RUSC2: variants seen among roughly 807,000 people sequenced by gnomAD.
RUSC2 encodes RUN and SH3 domain containing 2.
RUSC2 carries 34 observed loss-of-function variants against 122.2 expected under a neutral mutation model. The ratio of observed to expected loss-of-function variants is 0.28; its 90% CI spans 0.21 to 0.37. RUSC2 has a LOEUF of 0.37. Among genes scored for constraint, RUSC2 ranks in the 10% least tolerant of loss-of-function variants. The pLI, the probability that RUSC2 is intolerant of heterozygous loss-of-function variation, is 1.00. For missense variants in RUSC2, 1,747 were observed against 1,952.4 expected, an observed-to-expected ratio of 0.89 and a Z score of 1.98; for synonymous variants, 784 against 790.0, an observed-to-expected ratio of 0.99 and a Z score of 0.13.
chr9:35,517,353 T>C (rs1331303574), intron 1 of RUSC2, among the ~76,000 whole-genome samples: 1 of 152,206 alleles, frequency 6.6e-6, no homozygotes, highest in Non-Finnish European at 1.5e-5. Context: ...GTGTTAGGTT[T>C]AGAATACAGT....
intron 1 of RUSC2, among the ~76,000 whole-genome samples, chr9:35,505,363 C>G (rs1820894915): frequency 6.6e-6 from 1 of 152,132 alleles, no homozygotes; most frequent in Non-Finnish European, 1.5e-5. Flanking sequence ...TAACTGAGAT[C>G]CCTTCCTTAG....
chr9:35,561,097 G>C lies in RUSC2; in HGVS notation c.4349G>C (p.Cys1450Ser), dbSNP rs1822154043. 1 of 1,613,814 alleles carries C rather than the reference G, an allele frequency of 6.2e-7. No individual in the cohort carries two copies. Among genetic ancestry groups the C allele is most frequent in the Non-Finnish European group, 8.5e-7 (1 of 1,179,902 alleles). ...HSPALPSSPP[C>S]EVQALCHHLA... ...CCAGCCCTGCCCTCCAGTCCTCCGT[G>C]GTAAGCCTGGGGAAACGGAAGGGCT... The change falls in exon 11 of 12, where the codon TGT becomes TCT. Residue 1450 changes from cysteine to serine, a missense_variant and splice_region_variant. Physicochemically the swap from Cys to Ser is moderately radical, Grantham distance 112. Transcript: ENST00000361226.
intron 1 of RUSC2, among the ~76,000 whole-genome samples, chr9:35,497,965 C>T (rs551895595): frequency 6.6e-6 from 1 of 152,232 alleles, no homozygotes; most frequent in South Asian, 2.1e-4. Context: ...ACAACTTTGC[C>T]TATATTCTCA....
chr9:35,531,176 G>A (rs1479098264), intron 1 of RUSC2, among the ~76,000 whole-genome samples: 1 of 152,094 alleles, frequency 6.6e-6, no homozygotes, highest in African/African-American at 2.4e-5. Context: ...CAGGAGAATG[G>A]CATGAACCTG....
intron 1 of RUSC2, among the ~76,000 whole-genome samples, chr9:35,495,206 T>TTATTATATA (rs1564240369): frequency 5.3e-5 from 1 of 19,024 alleles, no homozygotes; most frequent in African/African-American, 1.6e-4. Flanking sequence ...TAATATAATT[T>TTATTATATA]ATTATATATA....
chr9:35,561,775 G>GTAAA lies in RUSC2; in HGVS notation c.*396_*399dup. Reference sequence around the variant, plus strand: ...GGCCAGATCCCTAAGCCCCCCAGCTGTAAATAGGCTGTGGCCAGTGCCTGG... The same window carrying GTAAA: ...GGCCAGATCCCTAAGCCCCCCAGCTGTAAATAAATAGGCTGTGGCCAGTGCCTGG... On this transcript the variant is annotated 3_prime_UTR_variant, in exon 12 of 12. Transcript: ENST00000361226. The GTAAA allele has an allele frequency of 3.6e-6, 2 of 560,410 alleles. No individual in the cohort carries two copies. Among genetic ancestry groups the GTAAA allele is most frequent in the East Asian group, 3.0e-5 (1 of 33,486 alleles). 34.7% of individuals were successfully genotyped at this position (560,410 alleles called of 1,614,324 possible).
chr9:35,546,371 C>A lies in RUSC2; in HGVS notation c.-92-59C>A. 2.2e-6 allele frequency: 1 copy of A among 454,910 alleles called. No homozygotes were observed. The highest frequency in any genetic ancestry group is 3.6e-6 in the Non-Finnish European group (1 of 274,090). The allele number at this position is 454,910 out of a possible 1,614,324, so 28.2% of individuals were successfully genotyped here. A position where few individuals can be genotyped will look rare whatever the true frequency, so the allele number is the denominator to read the frequency against. ...CATCTGAAAATGATGTAGGGAAGGGCATGCCCCTGACTTCCAGGGAGGTGA... is the reference window on the plus strand; with the variant it reads ...CATCTGAAAATGATGTAGGGAAGGGAATGCCCCTGACTTCCAGGGAGGTGA... On this transcript the variant is annotated intron_variant, in intron 1 of 11. Coordinates refer to ENST00000361226, the MANE Select transcript of RUSC2 (RefSeq NM_014806.5). The surrounding 1 kb of genome is among the most constrained non-coding windows in gnomAD (Gnocchi z 4.3).
chr9:35,510,383 A>G (rs1820991844), intron 1 of RUSC2, among the ~76,000 whole-genome samples: 1 of 152,214 alleles, frequency 6.6e-6, no homozygotes, highest in Non-Finnish European at 1.5e-5. Flanking sequence ...AGATAATTTT[A>G]ATTGCCAATA....
At chr9:35,528,124 G>A (rs1821355510) in intron 1 of RUSC2, among the ~76,000 whole-genome samples, 1 of 152,202 alleles carries the variant, frequency 6.6e-6, no homozygotes, top group African/African-American at 2.4e-5. Flanking sequence ...TGTGGCTCAT[G>A]CCTATAATCC....
At chr9:35,503,151 C>T (rs140788493) in intron 1 of RUSC2, among the ~76,000 whole-genome samples, 89 of 152,226 alleles carry the variant, frequency 5.8e-4, no homozygotes, top group Non-Finnish European at 1.0e-3. Context: ...CGTGAGCCAC[C>T]GCACCCAGCC....
At position 35,560,246 on chromosome 9, in the gene RUSC2, C is replaced by T. The variant is rs749952191; in HGVS notation, c.3606C>T (p.Ala1202=). Residue 1202 remains alanine, a synonymous_variant, in exon 10 of 12, where the codon GCC becomes GCT. Coordinates refer to ENST00000361226, the MANE Select transcript of RUSC2 (RefSeq NM_014806.5). ...LRVSQDLLLS[A]HSTLQLARAR... Reference sequence around the variant, plus strand: ...TGTCCCAGGACCTGCTGCTGTCTGCCCACTCCACGCTGCAGCTGGCCCGGG... The same window carrying T: ...TGTCCCAGGACCTGCTGCTGTCTGCTCACTCCACGCTGCAGCTGGCCCGGG... 5.0e-6 allele frequency: 8 copies of T among 1,598,716 alleles called. No individual in the cohort carries two copies. In the South Asian group the frequency reaches 8.8e-5, roughly 18 times the overall value.
intron 1 of RUSC2, among the ~76,000 whole-genome samples, chr9:35,542,134 T>C (rs1051691467): frequency 2.0e-5 from 3 of 152,144 alleles, no homozygotes; most frequent in Non-Finnish European, 2.9e-5. Context: ...GATGGCTGAA[T>C]TGGAATCGTC....
At position 35,548,023 on chromosome 9, in the gene RUSC2, G is replaced by A. The variant is rs779347754; in HGVS notation, c.1502G>A (p.Arg501His). 6 of 1,613,644 alleles carry A rather than the reference G, an allele frequency of 3.7e-6. No individual in the cohort carries two copies. The highest frequency in any genetic ancestry group is 1.3e-5 in the African/African-American group (1 of 74,940). The change falls in exon 2 of 12, where the codon CGC becomes CAC. Residue 501 changes from arginine to histidine, a missense_variant. Transcript: ENST00000361226. This position sits in a 1 kb window ranked among gnomAD's most constrained non-coding sequence, Gnocchi z 4.5. Reference protein sequence around the residue: ...TGRQRSRSYDRSLQRSPPVRL... With the variant: ...TGRQRSRSYDHSLQRSPPVRL... ...CGTCAGCGCTCCCGCAGCTATGATC[G>A]CAGCCTGCAGCGCAGCCCTCCTGTC... is the stretch of plus-strand genomic sequence containing the variant.
At chr9:35,554,642 A>C (rs541565745) in intron 2 of RUSC2, among the ~76,000 whole-genome samples, 1 of 152,372 alleles carries the variant, frequency 6.6e-6, no homozygotes, top group African/African-American at 2.4e-5. Flanking sequence ...CGGTTATAGC[A>C]CATTTTAAGT....
At chr9:35,540,667 G>T (rs1821625579) in intron 1 of RUSC2, among the ~76,000 whole-genome samples, 1 of 152,178 alleles carries the variant, frequency 6.6e-6, no homozygotes, top group Non-Finnish European at 1.5e-5. Context: ...GGGACTGTAG[G>T]TTCATAGAAT....
At chr9:35,519,747 A>G (rs560979027) in intron 1 of RUSC2, among the ~76,000 whole-genome samples, 3 of 152,176 alleles carry the variant, frequency 2.0e-5, no homozygotes, top group Admixed American at 1.3e-4. Flanking sequence ...AATAATAATA[A>G]TGACTTATTA....
intron 1 of RUSC2, among the ~76,000 whole-genome samples, chr9:35,519,371 C>A (rs1431036254): frequency 1.3e-5 from 2 of 152,172 alleles, no homozygotes; most frequent in South Asian, 4.1e-4. Context: ...ACCTATCCTG[C>A]CAACTTGGGA....
intron 1 of RUSC2, among the ~76,000 whole-genome samples, chr9:35,511,746 T>C (rs1166122300): frequency 6.6e-6 from 1 of 152,246 alleles, no homozygotes; most frequent in Non-Finnish European, 1.5e-5. Context: ...AGAAAGTGTA[T>C]ATAAATGGTT....
At chr9:35,506,851 C>T (rs1820925827) in intron 1 of RUSC2, among the ~76,000 whole-genome samples, 1 of 152,138 alleles carries the variant, frequency 6.6e-6, no homozygotes, top group Non-Finnish European at 1.5e-5. Flanking sequence ...GTGGCTCACA[C>T]CTGTAATCAA....
Sources: allele counts gnomAD v4.1 joint callset (sites outside exome capture counted in the v4.1 genomes callset), GRCh38; gene constraint gnomAD v4.1.1; non-coding constraint Gnocchi (gnomAD v3.1); transcripts MANE v1.5; gene names NCBI Gene and HGNC (gene_info 2026-07-23, HGNC 2026-07-21).